TTC34: variants seen among roughly 807,000 people sequenced by gnomAD.
TTC34 encodes tetratricopeptide repeat protein 34.
TTC34 carries 44 observed loss-of-function variants against 40.7 expected under a neutral mutation model. The ratio of observed to expected loss-of-function variants is 1.08; its 90% CI spans 0.85 to 1.39. The LOEUF (loss-of-function observed/expected upper bound fraction) is 1.39. Ranked by LOEUF, TTC34 falls within the 40% of genes most tolerant of loss-of-function variation. The pLI is 0.00. For missense variants in TTC34, 884 were observed against 838.0 expected, an observed-to-expected ratio of 1.05 and a Z score of -0.68; for synonymous variants, 422 against 398.6, an observed-to-expected ratio of 1.06 and a Z score of -0.70.
chr1:2,690,427 C>T (rs566450538), intron 6 of TTC34, among the ~76,000 whole-genome samples: 5 of 143,048 alleles, frequency 3.5e-5, no homozygotes, highest in Middle Eastern at 3.9e-3. Flanking sequence ...GAACCCCAGG[C>T]GAGCATCTGA....
In TTC34 at chr1:2,787,548, G is replaced by A. The variant is rs1025455665; in HGVS notation, c.1787C>T (p.Ala596Val). The A allele has an allele frequency of 4.5e-6, 7 of 1,541,540 alleles. No individual in the cohort carries two copies. The African/African-American group carries it at 9.6e-5, about 21-fold the overall frequency. Reference sequence around the variant, plus strand: ...GGCCAGTCGTGCCAGCACAGGGGCTGCCTGGGGCCTCCGGGATAGGGCCAC... The same window carrying A: ...GGCCAGTCGTGCCAGCACAGGGGCTACCTGGGGCCTCCGGGATAGGGCCAC... The change falls in exon 4 of 9, where the codon GCA (alanine) becomes GTA (valine). Residue 596 changes from alanine to valine, a missense_variant. By Grantham distance (64) the Ala-to-Val change is moderately conservative (BLOSUM62 0). Coordinates refer to ENST00000401095, the Ensembl canonical transcript of TTC34.
rs1415411741 is a variant in TTC34, at chr1:2,751,037, G to A, written c.2226+32572C>T. Among the ~76,000 whole-genome samples, 4 of 115,550 alleles carry A rather than the reference G, an allele frequency of 3.5e-5. 1 individual carries two copies. Among genetic ancestry groups the A allele is most frequent in the Non-Finnish European group, 6.9e-5 (4 of 58,138 alleles). The allele number at this position is 115,550 out of a possible 152,430, so 75.8% of individuals were successfully genotyped here. A position where few individuals can be genotyped will look rare whatever the true frequency, so the allele number is the denominator to read the frequency against. On this transcript the variant is annotated intron_variant, in intron 6 of 8. Coordinates refer to ENST00000401095, the Ensembl canonical transcript of TTC34. ...GGTGAGCATCTGACAGCCTGGAACA[G>A]AACCCACACCCCCAGGTGAGCATCT...
At chr1:2,687,305 T>A (rs1226681475) in intron 6 of TTC34, among the ~76,000 whole-genome samples, 1 of 18,130 alleles carries the variant, frequency 5.5e-5, no homozygotes, top group East Asian at 1.8e-3. Context: ...GCATCTGACA[T>A]CGTGGAACAG....
chr1:2,649,702 G>A (rs374752034), intron 6 of TTC34, among the ~76,000 whole-genome samples: 2 of 152,182 alleles, frequency 1.3e-5, no homozygotes, highest in Admixed American at 1.3e-4. Context: ...TGTATTTTTA[G>A]TAGAGACGGG....
exon 2 of TTC34, chr1:2,800,117 G>A (rs1037723516): frequency 3.8e-5 from 15 of 398,422 alleles, no homozygotes; most frequent in South Asian, 1.3e-4. Flanking sequence ...CAAACCTGCC[G>A]CTGTGGAGCA....
chr1:2,756,725 C>G (rs1441302630), intron 6 of TTC34, among the ~76,000 whole-genome samples: 1 of 29,696 alleles, frequency 3.4e-5, no homozygotes, highest in Non-Finnish European at 5.5e-5. Flanking sequence ...GAGCATCTGA[C>G]AGGCTGGAGC....
chr1:2,698,969 C>A (rs12741311), intron 6 of TTC34, among the ~76,000 whole-genome samples: 1,010 of 48,360 alleles, frequency 0.021, 5 homozygotes, highest in Non-Finnish European at 0.039. Context: ...ATCACCCTGC[C>A]CCCCCAGGTG....
At chr1:2,779,011 C>T (rs1373900502) in intron 6 of TTC34, among the ~76,000 whole-genome samples, 1 of 152,200 alleles carries the variant, frequency 6.6e-6, no homozygotes, top group Non-Finnish European at 1.5e-5. Flanking sequence ...AGGGAAATCA[C>T]ACAGTGTTTG....
exon 2 of TTC34, chr1:2,800,518 C>T (rs1317775163): frequency 1.5e-5 from 6 of 397,458 alleles, no homozygotes; most frequent in African/African-American, 1.2e-4. Flanking sequence ...TGCAGGATGG[C>T]GGCGGGGTGG....
At chr1:2,677,653 C>A (rs1338199264) in intron 6 of TTC34, among the ~76,000 whole-genome samples, 2 of 150,728 alleles carry the variant, frequency 1.3e-5, no homozygotes, top group South Asian at 4.2e-4. Flanking sequence ...ACACACACCC[C>A]CAGGCGAGCA....
At chr1:2,647,696 T>G (rs1639047402) in intron 6 of TTC34, among the ~76,000 whole-genome samples, 1 of 152,248 alleles carries the variant, frequency 6.6e-6, no homozygotes, top group African/African-American at 2.4e-5. Flanking sequence ...TCGCCCAGGC[T>G]GGTCTCAAAC....
At chr1:2,787,386 T>A in intron 4 of TTC34, 95 bp downstream of exon 4, 1 of 1,179,754 alleles carries the variant, frequency 8.5e-7, no homozygotes, top group Non-Finnish European at 1.1e-6. Flanking sequence ...AAGCCCAGAC[T>A]GTGGGGTCCA....
exon 9 of TTC34, chr1:2,637,184 A>G (rs1638811428): frequency 1.3e-5 from 2 of 151,932 alleles, no homozygotes; most frequent in Admixed American, 1.3e-4. Flanking sequence ...CAAAGGTACC[A>G]CTCAAAGGTG....
Position 2,687,820 on chromosome 1 carries a change from T to C in TTC34, c.2227-42257A>G, listed in dbSNP as rs78258480. Among the ~76,000 whole-genome samples, 4 of 112,306 alleles carry C rather than the reference T, an allele frequency of 3.6e-5. 1 individual carries two copies. The highest frequency in any genetic ancestry group is 1.6e-4 in the African/African-American group (4 of 25,052). 73.7% of individuals were successfully genotyped at this position (112,306 alleles called of 152,430 possible). On this transcript the variant is annotated intron_variant, in intron 6 of 8. Transcript: ENST00000401095. ...CGGCACCCACACCTCCAGGTGAGCA[T>C]CTGATGGTCTGGAGCATTACCCACA...
At chr1:2,782,635 C>G (rs963841034) in intron 6 of TTC34, among the ~76,000 whole-genome samples, 1 of 152,130 alleles carries the variant, frequency 6.6e-6, no homozygotes, top group Non-Finnish European at 1.5e-5. Context: ...ATACATTTCC[C>G]CCTCAGGATT....
rs1453299739 is a variant in TTC34 at position 2,756,050 on chromosome 1, G to A, written c.2226+27559C>T. On this transcript the variant is annotated intron_variant, in intron 6 of 8. Coordinates refer to ENST00000401095, the Ensembl canonical transcript of TTC34. ...CCCCAGGCGAGCATCTGACAACCTGGAACAGCACCCATACGCCAAGATGAG... is the reference window on the plus strand; with the variant it reads ...CCCCAGGCGAGCATCTGACAACCTGAAACAGCACCCATACGCCAAGATGAG... Among the ~76,000 whole-genome samples, 2 of 73,170 alleles carry A rather than the reference G, an allele frequency of 2.7e-5. 1 individual carries two copies. Among genetic ancestry groups the A allele is most frequent in the East Asian group, 8.6e-4 (2 of 2,324 alleles). 48.0% of individuals were successfully genotyped at this position (73,170 alleles called of 152,430 possible).
chr1:2,637,864 T>C (rs940455889), exon 9 of TTC34: 4 of 152,192 alleles, frequency 2.6e-5, no homozygotes, highest in Non-Finnish European at 5.9e-5. Context: ...GACTGCTGTG[T>C]GGCTCACACT....
chr1:2,756,993 G>A (rs1263388429), intron 6 of TTC34, among the ~76,000 whole-genome samples: 1,760 of 73,680 alleles, frequency 0.024, no homozygotes, highest in South Asian at 0.043. Flanking sequence ...ACACGCCCAG[G>A]TGAGCCTCTG....
At chr1:2,800,314 T>A (rs541913481) in exon 2 of TTC34, 1 of 398,538 alleles carries the variant, frequency 2.5e-6, no homozygotes, top group Non-Finnish European at 4.4e-6. Context: ...AAAGCTACCG[T>A]CCGGTCGGCG....
Sources: allele counts gnomAD v4.1 joint callset (sites outside exome capture counted in the v4.1 genomes callset), GRCh38; gene constraint gnomAD v4.1.1; transcripts MANE v1.5; gene names NCBI Gene and HGNC (gene_info 2026-07-23, HGNC 2026-07-21).